RASSF7: variants seen among roughly 807,000 people sequenced by gnomAD.
RASSF7 encodes Ras association domain family member 7, also known as ras association domain-containing protein 7.
In RASSF7, 41 loss-of-function variants were observed where a neutral mutation model predicts 33.8. The observed-to-expected ratio is 1.21, with a 90% CI of 0.95 to 1.57. The LOEUF (loss-of-function observed/expected upper bound fraction) is 1.57. RASSF7 is among the 40% of genes most tolerant of loss of function. The probability of loss-of-function intolerance (pLI) is 0.00; values close to 1 mark genes in which losing one functional copy is unlikely to be tolerated. For synonymous variants in RASSF7, 298 were observed against 212.8 expected (o/e 1.40, Z -3.48); for missense variants, 622 against 497.0 (o/e 1.25, Z -2.39).
In RASSF7 at chr11:562,172, G is replaced by A. The variant is rs760682174; in HGVS notation, c.218G>A (p.Cys73Tyr). Residue 73 changes from cysteine (C) to tyrosine (Y), a missense_variant, in exon 3 of 6, where the codon TGC becomes TAC. Physicochemically the swap from Cys to Tyr is radical, Grantham distance 194. Coordinates refer to ENST00000397583, the MANE Select transcript of RASSF7 (RefSeq NM_003475.4). The part of the protein sequence containing the change: ...QECPVGAQAT[C>Y]GQFASDVQFV... ...TGTCCAGTGGGCGCCCAGGCCACCT[G>A]CGGACAGTTTGCCAGCGATGTCCAG... 16 of 1,583,106 alleles carry A rather than the reference G, an allele frequency of 1.0e-5. No homozygotes were observed. The Admixed American group carries it at 1.8e-4, about 18-fold the overall frequency.
rs1853335791 is a variant in RASSF7 at position 561,887 on chromosome 11, C to CTATTAGGCTCACCT, written c.119_120insTATTAGGCTCACCT (p.Gly42ArgfsTer4). On this transcript the variant is annotated frameshift_variant, in exon 2 of 6. Transcript: ENST00000397583. LOFTEE classifies it high-confidence loss of function. ...GAAGTGGTCATCGCACTAGCCCAAGCAATAGGTGAGTCCTCTCGGGGTCAG... is the reference window on the plus strand; with the variant it reads ...GAAGTGGTCATCGCACTAGCCCAAGCTATTAGGCTCACCTAATAGGTGAGTCCTCTCGGGGTCAG... 9.3e-6 allele frequency: 15 copies of CTATTAGGCTCACCT among 1,613,514 alleles called. No individual in the cohort carries two copies. Among genetic ancestry groups the CTATTAGGCTCACCT allele is most frequent in the Non-Finnish European group, 1.3e-5 (15 of 1,179,980 alleles).
At position 561,910 on chromosome 11, in the gene RASSF7, C is replaced by T. The variant is rs768335997; in HGVS notation, c.124+18C>T. The T allele has an allele frequency of 4.3e-6, 7 of 1,612,390 alleles. No homozygotes were observed. The Admixed American group carries it at 6.7e-5, about 15-fold the overall frequency. ...AGCAATAGGTGAGTCCTCTCGGGGT[C>T]AGGCAGGCCGGGCAGGTAGAGCTGA... On this transcript the variant is annotated intron_variant, in intron 2 of 5. Coordinates refer to ENST00000397583, the MANE Select transcript of RASSF7 (RefSeq NM_003475.4).
Position 561,288 on chromosome 11 carries a change from C to A in RASSF7, c.-197C>A. On this transcript the variant is annotated 5_prime_UTR_variant, in exon 1 of 6. Coordinates refer to ENST00000397583, the MANE Select transcript of RASSF7 (RefSeq NM_003475.4). The stretch of plus-strand genomic sequence containing the variant: ...GCGATTAGGCGGCAGCGGCGGGGCT[C>A]CCCGGGCTGGCGGGGGCTGCTCAGA... The A allele has an allele frequency of 6.1e-6, 6 of 986,248 alleles. No individual in the cohort carries two copies. The highest frequency in any genetic ancestry group is 4.6e-5 in the South Asian group (1 of 21,602). 61.1% of individuals were successfully genotyped at this position (986,248 alleles called of 1,614,324 possible).
At chr11:563,517 C>T (rs751775543) in intron 5 of RASSF7, 39 bp downstream of exon 5, 3 of 1,610,158 alleles carry the variant, frequency 1.9e-6, no homozygotes, top group Admixed American at 3.3e-5. Context: ...GCACCGGGCC[C>T]TCCTGTGGCT....
chr11:562,309 G>A lies in RASSF7; in HGVS notation c.355G>A (p.Ala119Thr), dbSNP rs142198842. 13 of 1,611,994 alleles carry A rather than the reference G, an allele frequency of 8.1e-6. No individual in the cohort carries two copies. The highest frequency in any genetic ancestry group is 1.7e-5 in the Admixed American group (1 of 59,940). ...RASLPVKPRA[A>T]LGCEPRKTLT... ...CAGCCTCCCTGTAAAGCCACGGGCT[G>A]CGCTGGGCTGTGAGCCCCGCAAAAC... The change falls in exon 3 of 6, where the codon GCG (alanine) becomes ACG (threonine). Residue 119 changes from alanine (A) to threonine (T), a missense_variant. Coordinates refer to ENST00000397583, the MANE Select transcript of RASSF7 (RefSeq NM_003475.4).
Position 563,572 on chromosome 11 carries a change from C to T in RASSF7, c.1049C>T (p.Ala350Val). The T allele has an allele frequency of 6.2e-7, 1 of 1,612,282 alleles. No individual in the cohort carries two copies. Among genetic ancestry groups the T allele is most frequent in the South Asian group, 1.1e-5 (1 of 91,088 alleles). Residue 350 changes from alanine (A) to valine (V), a missense_variant, in exon 6 of 6, where the codon GCA (alanine) becomes GTA (valine). Coordinates refer to ENST00000397583, the MANE Select transcript of RASSF7 (RefSeq NM_003475.4). ...TCCTCCCGCAGTGGCCCCCATGACG[C>T]AGAACTCCTGGAGGTAGCAGCAGCT... ...QPRPRGGPHD[A>V]ELLEVAAAPA...
chr11:562,750 C>T lies in RASSF7; in HGVS notation c.796C>T (p.Leu266=), dbSNP rs1254454297. 1.3e-6 allele frequency: 2 copies of T among 1,519,756 alleles called. No homozygotes were observed. The highest frequency in any genetic ancestry group is 1.2e-5 in the South Asian group (1 of 81,550). 94.1% of individuals were successfully genotyped at this position (1,519,756 alleles called of 1,614,324 possible). A position where few individuals can be genotyped will look rare whatever the true frequency, so the allele number is the denominator to read the frequency against. The stretch of plus-strand genomic sequence containing the variant: ...CAGCCTGGCTCTGGTGAGCCGGGCC[C>T]TGGAGGCAGCAGAGCGAGCCTTGCA... ...QGSLALVSRA[L]EAAERALQAQ... Residue 266 remains leucine, a synonymous_variant, in exon 3 of 6, where the codon CTG becomes TTG. Coordinates refer to ENST00000397583, the MANE Select transcript of RASSF7 (RefSeq NM_003475.4).
rs1222599216 is a variant in RASSF7 at position 561,093 on chromosome 11, C to T, written c.-392C>T. On this transcript the variant is annotated 5_prime_UTR_variant, in exon 1 of 6. It adds an upstream start codon to the 5' untranslated region. Transcript: ENST00000397583. ...CGGGGCGCGCCTCGAGCCGGCCGGACGCCGACTCCAACTGGGGAGAGTTTT... is the reference window on the plus strand; with the variant it reads ...CGGGGCGCGCCTCGAGCCGGCCGGATGCCGACTCCAACTGGGGAGAGTTTT... 1 of 986,474 alleles carries T rather than the reference C, an allele frequency of 1.0e-6. No homozygotes were observed. Among genetic ancestry groups the T allele is most frequent in the Non-Finnish European group, 1.2e-6 (1 of 830,870 alleles). 61.1% of individuals were successfully genotyped at this position (986,474 alleles called of 1,614,324 possible).
At position 561,749 on chromosome 11, in the gene RASSF7, G is replaced by A. The variant is rs886642275; in HGVS notation, c.-7-13G>A. On this transcript the variant is annotated splice_polypyrimidine_tract_variant and intron_variant, in intron 1 of 5. Coordinates refer to ENST00000397583, the MANE Select transcript of RASSF7 (RefSeq NM_003475.4). ...AGGCAGGTCCTGACCCGGTGCCTGC[G>A]CCCTCCCCACAGGACAGGCATGTTG... The A allele has an allele frequency of 1.5e-5, 24 of 1,613,060 alleles. No homozygotes were observed. Among genetic ancestry groups the A allele is most frequent in the Non-Finnish European group, 1.9e-5 (23 of 1,179,982 alleles).
rs370118538 is a variant in RASSF7, at chr11:563,679, G to C, written c.*34G>C. ...TGAGGGCTGCAAGACCATCCTGCCC[G>C]GACCACAGAAGGAGAGTTGGCGGTC... On this transcript the variant is annotated 3_prime_UTR_variant, in exon 6 of 6. Transcript: ENST00000397583. 11 of 1,561,550 alleles carry C rather than the reference G, an allele frequency of 7.0e-6. No individual in the cohort carries two copies. The highest frequency in any genetic ancestry group is 6.8e-5 in the East Asian group (3 of 43,938).
In RASSF7 at chr11:563,641, T is replaced by A. The variant is rs1202372086; in HGVS notation, c.1118T>A (p.Leu373Gln). The change falls in exon 6 of 6, where the codon CTG becomes CAG. Residue 373 changes from leucine (L) to glutamine (Q), a missense_variant. By Grantham distance (113) the Leu-to-Gln change is moderately radical (BLOSUM62 -2). Transcript: ENST00000397583. ...CCTCTGGCAGCCCAGCCCCAGGCTC[T>A]GTGACAGCCTAGTGAGGGCTGCAAG... The part of the protein sequence containing the change: ...WCPLAAQPQA[L>Q] 6.2e-7 allele frequency: 1 copy of A among 1,608,908 alleles called. No homozygotes were observed. The highest frequency in any genetic ancestry group is 8.5e-7 in the Non-Finnish European group (1 of 1,179,406).
chr11:562,037 G>A, intron 2 of RASSF7, 42 bp from the exon 3 acceptor site: 1 of 1,502,592 alleles, frequency 6.7e-7, no homozygotes, highest in Non-Finnish European at 8.9e-7. Context: ...GGTGGACAGA[G>A]AGTCGGGGGG....
chr11:562,497 G>C lies in RASSF7; in HGVS notation c.543G>C (p.Arg181=). 6.5e-7 allele frequency: 1 copy of C among 1,550,008 alleles called. No individual in the cohort carries two copies. Among genetic ancestry groups the C allele is most frequent in the Non-Finnish European group, 8.7e-7 (1 of 1,146,898 alleles). ...HEAFWEQELR[R]EQAREREGQA... ...CCTTCTGGGAGCAAGAGCTGCGCCGGGAGCAGGCCCGGGAGCGAGAGGGAC... is the reference window on the plus strand; with the variant it reads ...CCTTCTGGGAGCAAGAGCTGCGCCGCGAGCAGGCCCGGGAGCGAGAGGGAC... The change falls in exon 3 of 6, where the codon CGG becomes CGC. Residue 181 remains arginine (R), a synonymous_variant. Coordinates refer to ENST00000397583, the MANE Select transcript of RASSF7 (RefSeq NM_003475.4).
rs762668199 is a variant in RASSF7 at position 563,341 on chromosome 11, C to T, written c.951+24C>T. On this transcript the variant is annotated intron_variant, in intron 4 of 5. Coordinates refer to ENST00000397583, the MANE Select transcript of RASSF7 (RefSeq NM_003475.4). ...AGGTCGGAGTGGTTCTGGGGGGAGGCTGGGAGGTGAGGACCTGGCCCAGCC... is the reference window on the plus strand; with the variant it reads ...AGGTCGGAGTGGTTCTGGGGGGAGGTTGGGAGGTGAGGACCTGGCCCAGCC... 2.1e-5 allele frequency: 34 copies of T among 1,606,240 alleles called. 1 individual carries two copies. The highest frequency in any genetic ancestry group is 2.8e-5 in the Non-Finnish European group (33 of 1,176,472).
At chr11:563,114 G>A in intron 3 of RASSF7, 75 bp from the exon 4 acceptor site, 1 of 1,400,198 alleles carries the variant, frequency 7.1e-7, no homozygotes, top group Non-Finnish European at 9.7e-7. Context: ...CCCGACCAGG[G>A]AAAGTGCTCC....
chr11:563,602 C>A lies in RASSF7; in HGVS notation c.1079C>A (p.Ala360Asp). ...AELLEVAAAP[A>D]PEWCPLAAQP... ...CTCCTGGAGGTAGCAGCAGCTCCTG[C>A]CCCAGAGTGGTGTCCTCTGGCAGCC... is the stretch of plus-strand genomic sequence containing the variant. The change falls in exon 6 of 6, where the codon GCC becomes GAC. Residue 360 changes from alanine to aspartate, a missense_variant. By Grantham distance (126) the Ala-to-Asp change is moderately radical. Transcript: ENST00000397583. 2 of 1,611,882 alleles carry A rather than the reference C, an allele frequency of 1.2e-6. No individual in the cohort carries two copies. Among genetic ancestry groups the A allele is most frequent in the South Asian group, 2.2e-5 (2 of 91,060 alleles).
intron 2 of RASSF7, 23 bp from the exon 3 acceptor site, chr11:562,056 T>C: frequency 6.7e-7 from 1 of 1,501,000 alleles, no homozygotes; most frequent in Non-Finnish European, 8.9e-7. Flanking sequence ...GGACATAGGC[T>C]GACCTTCTCC....
rs189139046 is a variant in RASSF7 at position 563,598 on chromosome 11, C to T, written c.1075C>T (p.Pro359Ser). ...DAELLEVAAAPAPEWCPLAAQ... is the reference protein window; with the variant it reads ...DAELLEVAAASAPEWCPLAAQ... ...AGAACTCCTGGAGGTAGCAGCAGCT[C>T]CTGCCCCAGAGTGGTGTCCTCTGGC... Residue 359 changes from proline to serine, a missense_variant, in exon 6 of 6, where the codon CCT becomes TCT. Pro to Ser is a moderately conservative substitution (Grantham distance 74, BLOSUM62 -1). Transcript: ENST00000397583. The T allele has an allele frequency of 3.0e-5, 49 of 1,612,072 alleles. No individual in the cohort carries two copies. In the East Asian group the frequency reaches 8.5e-4, roughly 28 times the overall value.
chr11:563,851 C>A lies in RASSF7; in HGVS notation c.*206C>A. On this transcript the variant is annotated 3_prime_UTR_variant, in exon 6 of 6. Coordinates refer to ENST00000397583, the MANE Select transcript of RASSF7 (RefSeq NM_003475.4). The stretch of plus-strand genomic sequence containing the variant: ...AGCCAGCTCGGAACTTGCCAGGCCC[C>A]AAAGGCCACGACTGCCTGTTGGGGA... 1 of 597,162 alleles carries A rather than the reference C, an allele frequency of 1.7e-6. No individual in the cohort carries two copies. The highest frequency in any genetic ancestry group is 3.0e-6 in the Non-Finnish European group (1 of 337,046). 37.0% of individuals were successfully genotyped at this position (597,162 alleles called of 1,614,324 possible). A position where few individuals can be genotyped will look rare whatever the true frequency, so the allele number is the denominator to read the frequency against.
Sources: gnomAD v4.1 joint callset for allele counts on GRCh38, gnomAD v4.1.1 for gene constraint, MANE v1.5 for transcripts, NCBI Gene and HGNC (gene_info 2026-07-23, HGNC 2026-07-21) for gene names.